Variants in NAALADL2 observed in about 807,000 individuals in gnomAD.
NAALADL2 encodes the protein inactive N-acetylated-alpha-linked acidic dipeptidase-like protein 2.
Under a neutral mutation model 87.2 loss-of-function variants are expected in NAALADL2, and 76 were observed. The observed-to-expected ratio is 0.87, with a 90% CI of 0.72 to 1.05. The LOEUF is 1.05. Ranked by LOEUF, NAALADL2 falls within the 50% of genes least tolerant of loss-of-function variation. The pLI, the probability that NAALADL2 is intolerant of heterozygous loss-of-function variation, is 0.00. For missense variants in NAALADL2, 1,089 were observed against 945.8 expected (o/e 1.15, Z -1.99); for synonymous variants, 354 against 331.0 (o/e 1.07, Z -0.75).
At chr3:175,044,348 C>T (rs1037449572) in intron 1 of NAALADL2, among the ~76,000 whole-genome samples, 2 of 152,110 alleles carry the variant, frequency 1.3e-5, no homozygotes, top group African/African-American at 4.8e-5. Flanking sequence ...TCATTTCTCT[C>T]TCTCATCTCC....
At chr3:175,138,887 AATATATATATATATATATATATATAT>A (rs58824117) in intron 2 of NAALADL2, among the ~76,000 whole-genome samples, 5 of 95,486 alleles carry the variant, frequency 5.2e-5, no homozygotes, top group African/African-American at 2.7e-4. Context: ...AGCCTTTTAA[AATATATATATATATATATATATATAT>A]ATATATATAT....
In NAALADL2 at chr3:174,700,468, T is replaced by C. The variant is rs6807762; in HGVS notation, c.-114-37173T>C. On this transcript the variant is annotated intron_variant, in intron 2 of 3. Coordinates refer to the NAALADL2 transcript ENST00000434257. Reference sequence around the variant, plus strand: ...CAAAGCTAACCGTTTAAAATCAGTATAACGCTCTCCATGGAACAGCCATGA... The same window carrying C: ...CAAAGCTAACCGTTTAAAATCAGTACAACGCTCTCCATGGAACAGCCATGA... 2.9e-3 allele frequency among the ~76,000 whole-genome samples: 447 copies of C among 152,248 alleles called. 1 individual carries two copies. Among genetic ancestry groups the C allele is most frequent in the African/African-American group, 0.01 (429 of 41,566 alleles).
Position 174,781,677 on chromosome 3 carries a change from GAAAT to G in NAALADL2, c.-9+43936_-9+43939del, listed in dbSNP as rs1715997947. On this transcript the variant is annotated intron_variant, in intron 3 of 3. Coordinates refer to the NAALADL2 transcript ENST00000434257. Reference sequence around the variant, plus strand: ...AGATGGATAGGACTTAACATAAAGAGAAATAAATCAGATAGGAAGTGAGAAGTAA... The same window carrying G: ...AGATGGATAGGACTTAACATAAAGAGAAATCAGATAGGAAGTGAGAAGTAA... Among the ~76,000 whole-genome samples, 5 of 152,076 alleles carry G rather than the reference GAAAT, an allele frequency of 3.3e-5. No homozygotes were observed. The South Asian group carries it at 1.0e-3, about 32-fold the overall frequency.
At chr3:175,768,678 C>G (rs950091622) in intron 13 of NAALADL2, among the ~76,000 whole-genome samples, 2 of 151,902 alleles carry the variant, frequency 1.3e-5, no homozygotes, top group Non-Finnish European at 2.9e-5. Context: ...GGCGAAAGCC[C>G]GTCTCTATTA....
chr3:174,622,617 G>A (rs1721118666), intron 2 of NAALADL2, among the ~76,000 whole-genome samples: 1 of 152,022 alleles, frequency 6.6e-6, no homozygotes, highest in Non-Finnish European at 1.5e-5. Context: ...TTTTCTATAT[G>A]TATGATATAC....
intron 3 of NAALADL2, among the ~76,000 whole-genome samples, chr3:174,836,573 G>A (rs148749401): frequency 7.1e-4 from 108 of 152,086 alleles, no homozygotes; most frequent in African/African-American, 2.4e-3. Context: ...GCTGGACATG[G>A]TGGTGGGTGC....
At chr3:175,590,200 A>G (rs1348101598) in intron 10 of NAALADL2, among the ~76,000 whole-genome samples, 2 of 72,250 alleles carry the variant, frequency 2.8e-5, no homozygotes, top group East Asian at 7.9e-4. Context: ...CGACAGAGCG[A>G]GACTCCGTCT....
Position 174,625,296 on chromosome 3 carries a change from G to A in NAALADL2, c.-115+74659G>A, listed in dbSNP as rs578174439. Among the ~76,000 whole-genome samples, 34 of 152,034 alleles carry A rather than the reference G, an allele frequency of 2.2e-4. No homozygotes were observed. The South Asian group carries it at 7.1e-3, about 32-fold the overall frequency. On this transcript the variant is annotated intron_variant, in intron 2 of 3. Coordinates refer to the NAALADL2 transcript ENST00000434257. Reference sequence around the variant, plus strand: ...TGGTCTCCAACTCCTGTGCTCAAGTGATCTGCCAACCTCAGCCTCCCAAAG... The same window carrying A: ...TGGTCTCCAACTCCTGTGCTCAAGTAATCTGCCAACCTCAGCCTCCCAAAG...
At chr3:174,990,098 A>G (rs188623577) in intron 1 of NAALADL2, among the ~76,000 whole-genome samples, 64 of 152,308 alleles carry the variant, frequency 4.2e-4, no homozygotes, top group African/African-American at 1.5e-3. Context: ...AGCTTTATCC[A>G]TATGATGTAT....
rs113652293 is a variant in NAALADL2, at chr3:175,193,913, A to G, written c.546-40018A>G. Among the ~76,000 whole-genome samples, 1,259 of 151,932 alleles carry G rather than the reference A, an allele frequency of 8.3e-3. 19 individuals are homozygous for G. The highest frequency in any genetic ancestry group is 0.029 in the African/African-American group (1,184 of 41,482). On this transcript the variant is annotated intron_variant, in intron 2 of 13. Coordinates refer to ENST00000454872, the MANE Select transcript of NAALADL2 (RefSeq NM_207015.3). ...ATTTCATGAAACTTAATGTGACTAA[A>G]CATAATACCATTAGGACTTTTAACA...
chr3:175,791,487 A>T (rs983356468), intron 13 of NAALADL2, among the ~76,000 whole-genome samples: 1 of 152,178 alleles, frequency 6.6e-6, no homozygotes, highest in African/African-American at 2.4e-5. Flanking sequence ...AGAAACCAAG[A>T]CATTGGGACA....
At chr3:174,519,671 T>C (rs1303484932) in intron 1 of NAALADL2, among the ~76,000 whole-genome samples, 1 of 151,966 alleles carries the variant, frequency 6.6e-6, no homozygotes, top group African/African-American at 2.4e-5. Flanking sequence ...TGTATTACCC[T>C]TCTCTTACCC....
At chr3:174,922,301 C>T (rs1205550476) in intron 1 of NAALADL2, among the ~76,000 whole-genome samples, 7 of 130,194 alleles carry the variant, frequency 5.4e-5, no homozygotes, top group Admixed American at 1.6e-4. Context: ...CAGAGTGAGA[C>T]CTTATCTTAA....
intron 11 of NAALADL2, among the ~76,000 whole-genome samples, chr3:175,735,452 G>T (rs751918540): frequency 2.0e-5 from 3 of 152,078 alleles, no homozygotes; most frequent in African/African-American, 4.8e-5. Context: ...CCAATTTATT[G>T]TATCAGTCTG....
intron 9 of NAALADL2, among the ~76,000 whole-genome samples, chr3:175,571,284 G>T (rs569000254): frequency 1.1e-4 from 17 of 152,216 alleles, no homozygotes; most frequent in Admixed American, 3.9e-4. Flanking sequence ...GGAAAATTAA[G>T]CTAGTGACAT....
At chr3:174,568,394 T>C (rs1208597820) in intron 2 of NAALADL2, among the ~76,000 whole-genome samples, 1 of 151,782 alleles carries the variant, frequency 6.6e-6, no homozygotes. Flanking sequence ...CAGAAAGTCT[T>C]TTCACCACAC....
intron 2 of NAALADL2, among the ~76,000 whole-genome samples, chr3:174,632,790 C>T (rs947652611): frequency 6.6e-6 from 1 of 151,680 alleles, no homozygotes; most frequent in African/African-American, 2.4e-5. Context: ...CAAAAAATAG[C>T]TGAGTGTGGT....
At chr3:175,403,238 G>T (rs964186442) in intron 5 of NAALADL2, among the ~76,000 whole-genome samples, 12 of 151,934 alleles carry the variant, frequency 7.9e-5, no homozygotes, top group African/African-American at 1.9e-4. Flanking sequence ...TCTCCCTCCT[G>T]TCTGAACTTT....
chr3:174,871,860 C>G (rs867833152), intron 1 of NAALADL2, among the ~76,000 whole-genome samples: 2 of 152,230 alleles, frequency 1.3e-5, no homozygotes, highest in Middle Eastern at 6.8e-3. Context: ...GATCATGCCA[C>G]TGTACTCCAG....
Sources: allele counts gnomAD v4.1 joint callset (sites outside exome capture counted in the v4.1 genomes callset), GRCh38; gene constraint gnomAD v4.1.1; transcripts MANE v1.5; gene names NCBI Gene and HGNC (gene_info 2026-07-23, HGNC 2026-07-21).